The following MAP2 variants were observed in gnomAD, a reference collection of about 807,000 sequenced individuals.
MAP2 encodes the protein microtubule associated protein 2, also known as microtubule-associated protein 2.
MAP2 carries 14 observed loss-of-function variants against 137.6 expected under a neutral mutation model. That is an observed-to-expected ratio of 0.10 (90% CI 0.07 to 0.16). The LOEUF (loss-of-function observed/expected upper bound fraction) is 0.16. MAP2 is among the 10% of genes least tolerant of loss of function. The pLI is 1.00. For synonymous variants in MAP2, 786 were observed against 782.3 expected (o/e 1.00, Z -0.08); for missense variants, 2,088 against 2,191.5 (o/e 0.95, Z 0.94).
At chr2:209,564,967 C>T (rs1271439952) in intron 2 of MAP2, among the ~76,000 whole-genome samples, 4 of 152,116 alleles carry the variant, frequency 2.6e-5, no homozygotes, top group Non-Finnish European at 4.4e-5. Flanking sequence ...CCTTCTGCCA[C>T]CTGTGATGTG....
At chr2:209,505,580 A>G (rs937261900) in intron 1 of MAP2, among the ~76,000 whole-genome samples, 1 of 152,228 alleles carries the variant, frequency 6.6e-6, no homozygotes, top group Non-Finnish European at 1.5e-5. Context: ...GGAATGTAGC[A>G]TGATCTAATA....
intron 6 of MAP2, among the ~76,000 whole-genome samples, chr2:209,680,248 AC>A (rs2053958741): frequency 6.6e-6 from 1 of 152,148 alleles, no homozygotes; most frequent in African/African-American, 2.4e-5. Context: ...GACTCAGTGA[AC>A]AAAAGGTTGT....
chr2:209,560,877 CTCTTAAAAA>C (rs2071889559), intron 2 of MAP2, among the ~76,000 whole-genome samples: 1 of 151,726 alleles, frequency 6.6e-6, no homozygotes, highest in Non-Finnish European at 1.5e-5. Context: ...CAAATTAAAA[CTCTTAAAAA>C]TAACTTACCC....
rs967670895 is a variant in MAP2, at chr2:209,705,751, C to T, written c.4732+24C>T. On this transcript the variant is annotated intron_variant, in intron 12 of 15. Transcript: ENST00000682079. ...CAGTAGGTTTATTTTGATTTGAATTCCTTTTTAAGCACTTTTTAAATCCTT... is the reference window on the plus strand; with the variant it reads ...CAGTAGGTTTATTTTGATTTGAATTTCTTTTTAAGCACTTTTTAAATCCTT... The T allele has an allele frequency of 3.1e-6, 5 of 1,601,874 alleles. No homozygotes were observed. In the African/African-American group the frequency reaches 6.7e-5, roughly 22 times the overall value.
intron 1 of MAP2, among the ~76,000 whole-genome samples, chr2:209,448,358 G>C (rs920958147): frequency 6.6e-6 from 1 of 151,980 alleles, no homozygotes; most frequent in African/African-American, 2.4e-5. Context: ...CCAATCTTGC[G>C]TGCTCCCCAA....
intron 2 of MAP2, among the ~76,000 whole-genome samples, chr2:209,560,672 G>A (rs1459291272): frequency 1.3e-5 from 2 of 151,806 alleles, no homozygotes; most frequent in Non-Finnish European, 2.9e-5. Context: ...GAAGAGACAG[G>A]GTCTTGCTGT....
intron 3 of MAP2, among the ~76,000 whole-genome samples, chr2:209,623,922 A>C (rs1454314720): frequency 6.6e-6 from 1 of 152,222 alleles, no homozygotes; most frequent in Non-Finnish European, 1.5e-5. Flanking sequence ...ATATGTACTA[A>C]TAGGACTTGT....
intron 7 of MAP2, among the ~76,000 whole-genome samples, chr2:209,685,913 T>A (rs2056851715): frequency 6.6e-6 from 1 of 152,202 alleles, no homozygotes; most frequent in Non-Finnish European, 1.5e-5. Flanking sequence ...AATTTTATAC[T>A]ATAGTCTGCT....
intron 1 of MAP2, among the ~76,000 whole-genome samples, chr2:209,470,692 G>A (rs556591939): frequency 6.6e-6 from 1 of 152,124 alleles, no homozygotes; most frequent in African/African-American, 2.4e-5. Context: ...CATGCACCAT[G>A]TACTTTCAAT....
intron 4 of MAP2, among the ~76,000 whole-genome samples, chr2:209,627,188 T>A (rs1252752052): frequency 6.6e-6 from 1 of 152,140 alleles, no homozygotes; most frequent in Non-Finnish European, 1.5e-5. Flanking sequence ...AATATCTTGG[T>A]CTGGCCTATG....
In MAP2 at chr2:209,665,054, T is replaced by C. The variant is rs546727640; in HGVS notation, c.262+11622T>C. Among the ~76,000 whole-genome samples the C allele has an allele frequency of 5.3e-5, 8 of 151,306 alleles. No homozygotes were observed. In the East Asian group the frequency reaches 1.5e-3, roughly 29 times the overall value. ...ATCAAGAAACTGAAAACAGTCTAGATTCAAAGTAAGGACTTTAAAAGTGTC... is the reference window on the plus strand; with the variant it reads ...ATCAAGAAACTGAAAACAGTCTAGACTCAAAGTAAGGACTTTAAAAGTGTC... On this transcript the variant is annotated intron_variant, in intron 5 of 15. Transcript: ENST00000682079.
At chr2:209,729,997 T>TAAAA in intron 15 of MAP2, 35 bp downstream of exon 15, 1 of 1,442,332 alleles carries the variant, frequency 6.9e-7, no homozygotes, top group East Asian at 2.3e-5. Flanking sequence ...TCTTGTCTTT[T>TAAAA]TAAAAAAAAT....
At chr2:209,625,548 TA>T (rs1431826309) in intron 4 of MAP2, among the ~76,000 whole-genome samples, 1 of 152,058 alleles carries the variant, frequency 6.6e-6, no homozygotes, top group Non-Finnish European at 1.5e-5. Context: ...TTTTAGAGAT[TA>T]GGGGCATGAG....
intron 2 of MAP2, among the ~76,000 whole-genome samples, chr2:209,564,336 G>A (rs891977644): frequency 1.3e-5 from 2 of 152,010 alleles, no homozygotes; most frequent in Non-Finnish European, 2.9e-5. Context: ...ATGTACAAGA[G>A]GCAAATACCT....
intron 4 of MAP2, among the ~76,000 whole-genome samples, chr2:209,640,878 T>A (rs2093967718): frequency 2.7e-5 from 1 of 37,040 alleles, no homozygotes. Context: ...CAATTATCTA[T>A]TCTTTTTTTT....
intron 1 of MAP2, among the ~76,000 whole-genome samples, chr2:209,455,926 C>T (rs1439117257): frequency 6.6e-6 from 1 of 150,544 alleles, no homozygotes; most frequent in Non-Finnish European, 1.5e-5. Context: ...AAGTGCCAGG[C>T]ATATTATTAA....
chr2:209,663,058 G>C (rs1034829551), intron 5 of MAP2, among the ~76,000 whole-genome samples: 1 of 152,104 alleles, frequency 6.6e-6, no homozygotes, highest in Non-Finnish European at 1.5e-5. Context: ...TTGCGGTTTA[G>C]AATTGGGTTT....
intron 4 of MAP2, among the ~76,000 whole-genome samples, chr2:209,640,978 G>A (rs988099348): frequency 6.8e-6 from 1 of 146,254 alleles, no homozygotes; most frequent in East Asian, 2.0e-4. Context: ...CTTCCATGAT[G>A]TATAATATGG....
intron 2 of MAP2, among the ~76,000 whole-genome samples, chr2:209,525,031 A>T (rs2063821368): frequency 6.6e-6 from 1 of 152,096 alleles, no homozygotes; most frequent in South Asian, 2.1e-4. Context: ...GTTTTCTTGT[A>T]TATAAATTAA....
Sources: allele counts gnomAD v4.1 joint callset (sites outside exome capture counted in the v4.1 genomes callset), GRCh38; gene constraint gnomAD v4.1.1; transcripts MANE v1.5; gene names NCBI Gene and HGNC (gene_info 2026-07-23, HGNC 2026-07-21).